SAP30: variants seen among roughly 807,000 people sequenced by gnomAD.
SAP30 encodes the protein Sin3A associated protein 30.
SAP30 carries 13 observed loss-of-function variants against 19.6 expected under a neutral mutation model. The observed-to-expected ratio is 0.66, with a 90% CI of 0.43 to 1.05. The LOEUF is 1.05. Among genes scored for constraint, SAP30 ranks in the 50% least tolerant of loss-of-function variants. The probability of loss-of-function intolerance (pLI) is 0.00; values close to 1 mark genes in which losing one functional copy is unlikely to be tolerated. For missense variants in SAP30, 257 were observed against 292.1 expected, an observed-to-expected ratio of 0.88 and a Z score of 0.88; for synonymous variants, 108 against 122.7, an observed-to-expected ratio of 0.88 and a Z score of 0.79.
rs757316835 is a variant in SAP30, at chr4:173,377,295, T to C, written c.631T>C (p.Ser211Pro). Residue 211 changes from serine to proline, a missense_variant, in exon 4 of 4, where the codon TCA becomes CCA. Ser to Pro is a moderately conservative substitution (Grantham distance 74). Coordinates refer to ENST00000296504, the MANE Select transcript of SAP30 (RefSeq NM_003864.4). ...CTCAGTGAAGAATGACAAGAACAAA[T>C]CAGATCTCAAGGTTGATAGTGGTGT... ...IYSVKNDKNK[S>P]DLKVDSGVH 2 of 1,608,182 alleles carry C rather than the reference T, an allele frequency of 1.2e-6. No homozygotes were observed. The highest frequency in any genetic ancestry group is 2.3e-5 in the East Asian group (1 of 44,280).
intron 3 of SAP30, among the ~76,000 whole-genome samples, chr4:173,374,801 C>G (rs951588544): frequency 8.6e-5 from 13 of 151,974 alleles, no homozygotes; most frequent in African/African-American, 2.4e-4. Context: ...TTAACTATTT[C>G]AAAATTTGTC....
chr4:173,371,543 GC>G lies in SAP30; in HGVS notation c.315+50del. On this transcript the variant is annotated intron_variant, in intron 1 of 3. Transcript: ENST00000296504. The surrounding 1 kb of genome is among the most constrained non-coding windows in gnomAD (Gnocchi z 6.4). Reference sequence around the variant, plus strand: ...CCCTGCCCTCCCGCCCCTCGGTGGGGCCCCAGGAGCCGGGCAAAGGCACGGG... The same window carrying G: ...CCCTGCCCTCCCGCCCCTCGGTGGGGCCCAGGAGCCGGGCAAAGGCACGGG... 3.2e-6 allele frequency: 5 copies of G among 1,554,476 alleles called. No individual in the cohort carries two copies. The highest frequency in any genetic ancestry group is 3.5e-6 in the Non-Finnish European group (4 of 1,152,890).
At chr4:173,373,347 T>C (rs752343052) in intron 1 of SAP30, 43 bp from the exon 2 acceptor site, 1 of 1,545,388 alleles carries the variant, frequency 6.5e-7, no homozygotes, top group South Asian at 1.3e-5. Flanking sequence ...ATAGACACAT[T>C]TTACTGTAAT....
intron 1 of SAP30, among the ~76,000 whole-genome samples, chr4:173,372,818 T>G (rs1578951200): frequency 6.6e-6 from 1 of 152,232 alleles, no homozygotes. Context: ...AGTCTCACTC[T>G]GTTGCCCAGG....
rs1738996325 is a variant in SAP30, at chr4:173,374,036, A to T, written c.539A>T (p.Glu180Val). 6.4e-7 allele frequency: 1 copy of T among 1,559,094 alleles called. No homozygotes were observed. The highest frequency in any genetic ancestry group is 2.3e-5 in the East Asian group (1 of 43,964). ...GGACTTAATAAAGCACAACTTGTTG[A>T]GGTATATATGAGTTTTAAACTATTT... The part of the protein sequence containing the change: ...RPGLNKAQLV[E>V]IVGCHFRSIP... Residue 180 changes from glutamate to valine, a missense_variant and splice_region_variant, in exon 3 of 4, where the codon GAG (glutamate) becomes GTG (valine). Physicochemically the swap from Glu to Val is moderately radical, Grantham distance 121 (BLOSUM62 -2). Transcript: ENST00000296504.
rs1351803957 is a variant in SAP30, at chr4:173,371,607, A to T, written c.315+110A>T. ...TCCCCCAGACAACCGCACTGGCTGCAGTGCGGTCTCGTGGAGTCTGTGTTT... is the reference window on the plus strand; with the variant it reads ...TCCCCCAGACAACCGCACTGGCTGCTGTGCGGTCTCGTGGAGTCTGTGTTT... On this transcript the variant is annotated intron_variant, in intron 1 of 3. Transcript: ENST00000296504. The surrounding 1 kb of genome is among the most constrained non-coding windows in gnomAD (Gnocchi z 6.4). The T allele has an allele frequency of 2.7e-6, 4 of 1,478,238 alleles. No individual in the cohort carries two copies. In the East Asian group the frequency reaches 1.1e-4, roughly 42 times the overall value. The allele number at this position is 1,478,238 out of a possible 1,614,324, so 91.6% of individuals were successfully genotyped here.
At chr4:173,375,702 A>T (rs1294206157) in intron 3 of SAP30, among the ~76,000 whole-genome samples, 1 of 152,218 alleles carries the variant, frequency 6.6e-6, no homozygotes, top group Non-Finnish European at 1.5e-5. Context: ...TCAGAAATGC[A>T]GATATTAGCA....
At chr4:173,373,652 A>G (rs1578951526) in intron 2 of SAP30, 137 bp downstream of exon 2, 2 of 873,604 alleles carry the variant, frequency 2.3e-6, no homozygotes, top group East Asian at 2.7e-5. Flanking sequence ...AAATATAGCC[A>G]GTTGACATGC....
At chr4:173,374,102 A>G in intron 3 of SAP30, 65 bp downstream of exon 3, 1 of 842,698 alleles carries the variant, frequency 1.2e-6, no homozygotes, top group Non-Finnish European at 1.9e-6. Flanking sequence ...GTGCTAATGG[A>G]AGTTTTAATG....
chr4:173,377,147 GT>G, intron 3 of SAP30, 57 bp from the exon 4 acceptor site: 1 of 1,343,226 alleles, frequency 7.4e-7, no homozygotes, highest in East Asian at 2.6e-5. Context: ...TTTTTACGTA[GT>G]TTATGAAACC....
chr4:173,371,257 C>G lies in SAP30; in HGVS notation c.75C>G (p.Ala25=). 1.6e-6 allele frequency: 2 copies of G among 1,286,936 alleles called. No individual in the cohort carries two copies. The highest frequency in any genetic ancestry group is 1.9e-5 in the South Asian group (1 of 53,374). 79.7% of individuals were successfully genotyped at this position (1,286,936 alleles called of 1,614,324 possible). Residue 25 remains alanine (A), a synonymous_variant, in exon 1 of 4, where the codon GCC becomes GCG. Transcript: ENST00000296504. This position sits in a 1 kb window ranked among gnomAD's most constrained non-coding sequence, Gnocchi z 6.4. ...AAAAVAAVVA[A]AAAAASAGNG... Reference sequence around the variant, plus strand: ...CCGCAGTGGCCGCAGTGGTCGCTGCCGCGGCCGCCGCCGCCTCGGCGGGGA... The same window carrying G: ...CCGCAGTGGCCGCAGTGGTCGCTGCGGCGGCCGCCGCCGCCTCGGCGGGGA...
At chr4:173,372,838 A>C (rs1738966551) in intron 1 of SAP30, among the ~76,000 whole-genome samples, 1 of 152,208 alleles carries the variant, frequency 6.6e-6, no homozygotes, top group Non-Finnish European at 1.5e-5. Context: ...GCTGGAGTGC[A>C]GTGGCGCGAT....
At position 173,371,406 on chromosome 4, in the gene SAP30, G is replaced by C. The variant is rs1258014016; in HGVS notation, c.224G>C (p.Arg75Pro). Residue 75 changes from arginine to proline, a missense_variant, in exon 1 of 4, where the codon CGG becomes CCG. By Grantham distance (103) the Arg-to-Pro change is moderately radical. Transcript: ENST00000296504. The surrounding 1 kb of genome is among the most constrained non-coding windows in gnomAD (Gnocchi z 6.4). The stretch of plus-strand genomic sequence containing the variant: ...TGCTGCCTGCGGGAGGATGGTGAGC[G>C]GTGCGGCCGGGCGGCAGGCAACGCC... ...QLCCLREDGE[R>P]CGRAAGNASF... 1.9e-6 allele frequency: 3 copies of C among 1,588,726 alleles called. No individual in the cohort carries two copies. Among genetic ancestry groups the C allele is most frequent in the African/African-American group, 2.7e-5 (2 of 73,708 alleles).
Position 173,371,530 on chromosome 4 carries a change from G to T in SAP30, c.315+33G>T. 2 of 1,564,592 alleles carry T rather than the reference G, an allele frequency of 1.3e-6. No homozygotes were observed. The highest frequency in any genetic ancestry group is 2.2e-5 in the South Asian group (2 of 90,214). ...AACCGCGGGACCGCCCTGCCCTCCC[G>T]CCCCTCGGTGGGGCCCCAGGAGCCG... On this transcript the variant is annotated intron_variant, in intron 1 of 3. Coordinates refer to ENST00000296504, the MANE Select transcript of SAP30 (RefSeq NM_003864.4). This position sits in a 1 kb window ranked among gnomAD's most constrained non-coding sequence, Gnocchi z 6.4.
Position 173,373,613 on chromosome 4 carries a change from T to C in SAP30, c.441+98T>C, listed in dbSNP as rs140790614. On this transcript the variant is annotated intron_variant, in intron 2 of 3. Transcript: ENST00000296504. ...ACAATCTTTTAAGTGTTTAAAACATTTGAGAAATCTGAAAATGAAAGCAAA... is the reference window on the plus strand; with the variant it reads ...ACAATCTTTTAAGTGTTTAAAACATCTGAGAAATCTGAAAATGAAAGCAAA... 26 of 1,233,104 alleles carry C rather than the reference T, an allele frequency of 2.1e-5. No homozygotes were observed. In the East Asian group the frequency reaches 6.5e-4, roughly 31 times the overall value. The allele number at this position is 1,233,104 out of a possible 1,614,324, so 76.4% of individuals were successfully genotyped here.
In SAP30 at chr4:173,371,530, G is replaced by A. The variant is rs537353532; in HGVS notation, c.315+33G>A. ...AACCGCGGGACCGCCCTGCCCTCCC[G>A]CCCCTCGGTGGGGCCCCAGGAGCCG... is the stretch of plus-strand genomic sequence containing the variant. On this transcript the variant is annotated intron_variant, in intron 1 of 3. Coordinates refer to ENST00000296504, the MANE Select transcript of SAP30 (RefSeq NM_003864.4). The surrounding 1 kb of genome is among the most constrained non-coding windows in gnomAD (Gnocchi z 6.4). The A allele has an allele frequency of 6.4e-7, 1 of 1,564,592 alleles. No homozygotes were observed. Among genetic ancestry groups the A allele is most frequent in the South Asian group, 1.1e-5 (1 of 90,214 alleles).
At chr4:173,375,171 C>T (rs1459023603) in intron 3 of SAP30, among the ~76,000 whole-genome samples, 1 of 151,632 alleles carries the variant, frequency 6.6e-6, no homozygotes, top group Non-Finnish European at 1.5e-5. Flanking sequence ...GCCTACTAGA[C>T]AAAATAGAAG....
chr4:173,372,242 T>G (rs2126904522), intron 1 of SAP30, among the ~76,000 whole-genome samples: 1 of 152,350 alleles, frequency 6.6e-6, no homozygotes, highest in Non-Finnish European at 1.5e-5. Context: ...GGTAAATGAA[T>G]AACATGGTAT....
In SAP30 at chr4:173,371,615, C is replaced by T; in HGVS notation, c.315+118C>T. 6.9e-7 allele frequency: 1 copy of T among 1,442,032 alleles called. No individual in the cohort carries two copies. The highest frequency in any genetic ancestry group is 2.0e-4 in the Middle Eastern group (1 of 5,000). 89.3% of individuals were successfully genotyped at this position (1,442,032 alleles called of 1,614,324 possible). ...ACAACCGCACTGGCTGCAGTGCGGT[C>T]TCGTGGAGTCTGTGTTTGGAAGCAA... On this transcript the variant is annotated intron_variant, in intron 1 of 3. Coordinates refer to ENST00000296504, the MANE Select transcript of SAP30 (RefSeq NM_003864.4). The surrounding 1 kb of genome is among the most constrained non-coding windows in gnomAD (Gnocchi z 6.4).
Sources: allele counts gnomAD v4.1 joint callset (sites outside exome capture counted in the v4.1 genomes callset), GRCh38; gene constraint gnomAD v4.1.1; non-coding constraint Gnocchi (gnomAD v3.1); transcripts MANE v1.5; gene names NCBI Gene and HGNC (gene_info 2026-07-23, HGNC 2026-07-21).